Variants in PGM1 observed in about 807,000 individuals in gnomAD.
PGM1 encodes phosphoglucomutase 1.
In PGM1, 52 loss-of-function variants were observed where a neutral mutation model predicts 55.6. The observed-to-expected ratio is 0.94, with a 90% CI of 0.75 to 1.18. PGM1 has a LOEUF of 1.18. Ranked by LOEUF, PGM1 falls within the 50% of genes most tolerant of loss-of-function variation. PGM1 has a pLI of 0.00. For synonymous variants in PGM1, 287 were observed against 271.7 expected, an observed-to-expected ratio of 1.06 and a Z score of -0.55; for missense variants, 724 against 729.3, an observed-to-expected ratio of 0.99 and a Z score of 0.08.
intron 1 of PGM1, among the ~76,000 whole-genome samples, chr1:63,617,709 CAG>C (rs1210395271): frequency 8.9e-6 from 1 of 112,288 alleles, no homozygotes; most frequent in East Asian, 2.8e-4. Flanking sequence ...GCCTGGGAGA[CAG>C]AGTGACTCTG....
chr1:63,633,926 A>C (rs1570498494), intron 4 of PGM1, among the ~76,000 whole-genome samples: 1 of 64,804 alleles, frequency 1.5e-5, no homozygotes, highest in Admixed American at 1.8e-4. Context: ...GTGTATATAT[A>C]TATATATTTT....
chr1:63,631,380 T>G (rs1033454678), intron 3 of PGM1, among the ~76,000 whole-genome samples: 18 of 152,214 alleles, frequency 1.2e-4, no homozygotes, highest in African/African-American at 4.3e-4. Flanking sequence ...TCATCCAAGC[T>G]GTGTGGGCAA....
chr1:63,604,917 CTGTGTGTGTGTGTGTGTG>C (rs60618789), intron 1 of PGM1, among the ~76,000 whole-genome samples: 2 of 118,786 alleles, frequency 1.7e-5, no homozygotes, highest in African/African-American at 3.4e-5. Context: ...TTACATAACT[CTGTGTGTGTGTGTGTGTG>C]TGTGTGTGTG....
At chr1:63,612,016 G>T (rs543296763) in intron 1 of PGM1, among the ~76,000 whole-genome samples, 34 of 152,182 alleles carry the variant, frequency 2.2e-4, no homozygotes, top group African/African-American at 8.2e-4. Flanking sequence ...TAGCACTTTG[G>T]GAAGCCAAGG....
intron 9 of PGM1, 142 bp from the exon 10 acceptor site, chr1:63,654,190 G>A: frequency 2.4e-6 from 2 of 821,502 alleles, no homozygotes; most frequent in Non-Finnish European, 4.2e-6. Flanking sequence ...CTCACAAGGT[G>A]CAGCTGCTGC....
chr1:63,617,730 CAAAAAAAA>C (rs34771728), intron 1 of PGM1, among the ~76,000 whole-genome samples: 17 of 43,332 alleles, frequency 3.9e-4, no homozygotes, highest in African/African-American at 1.3e-3. Flanking sequence ...TGCCTCCCCA[CAAAAAAAA>C]AAAAAAAAAA....
chr1:63,608,885 C>G (rs1299362308), intron 1 of PGM1, among the ~76,000 whole-genome samples: 1 of 152,176 alleles, frequency 6.6e-6, no homozygotes, highest in African/African-American at 2.4e-5. Flanking sequence ...TAATATCTGC[C>G]TTGAAAGATT....
intron 1 of PGM1, among the ~76,000 whole-genome samples, chr1:63,600,646 G>T (rs1428025457): frequency 1.3e-5 from 2 of 152,176 alleles, no homozygotes; most frequent in Non-Finnish European, 2.9e-5. Context: ...CAGCAATTGG[G>T]ATGTCTGATA....
chr1:63,595,723 G>A (rs1186358086), intron 1 of PGM1, among the ~76,000 whole-genome samples: 1 of 152,148 alleles, frequency 6.6e-6, no homozygotes, highest in African/African-American at 2.4e-5. Context: ...GGACTAAAAG[G>A]ATGATGCAGA....
intron 1 of PGM1, among the ~76,000 whole-genome samples, chr1:63,617,996 A>G (rs1156298807): frequency 6.6e-6 from 1 of 152,184 alleles, no homozygotes; most frequent in Admixed American, 6.5e-5. Context: ...CAAGTATTCA[A>G]GTTGTTCTCA....
At chr1:63,634,432 C>G (rs1649305911) in intron 4 of PGM1, among the ~76,000 whole-genome samples, 1 of 152,150 alleles carries the variant, frequency 6.6e-6, no homozygotes, top group Non-Finnish European at 1.5e-5. Flanking sequence ...CAATGACTGG[C>G]AGAGCTGGGA....
At chr1:63,594,234 C>G in intron 1 of PGM1, 4 of 667,294 alleles carry the variant, frequency 6.0e-6, no homozygotes, top group Non-Finnish European at 7.4e-6. Flanking sequence ...CCCGCTGGCT[C>G]GGAGCCCGAC....
chr1:63,602,711 G>A (rs1031654484), intron 1 of PGM1, among the ~76,000 whole-genome samples: 1 of 152,266 alleles, frequency 6.6e-6, no homozygotes, highest in South Asian at 2.1e-4. Flanking sequence ...GGGCTAAACC[G>A]ACAAGTGTGA....
chr1:63,638,800 G>T lies in PGM1; in HGVS notation c.1144G>T (p.Gly382Cys), dbSNP rs750763684. Residue 382 changes from glycine to cysteine, a missense_variant and splice_region_variant, in exon 7 of 11, where the codon GGT (glycine) becomes TGT (cysteine). By Grantham distance (159) the Gly-to-Cys change is radical. Around this residue, in one of 3 missense-constraint regions of PGM1, gnomAD observed 316 missense variants for 313.1 expected, o/e 1.01. Coordinates refer to ENST00000371084, the MANE Select transcript of PGM1 (RefSeq NM_002633.3). ...SLCGEESFGTGSDHIREKDGL... is the reference protein window; with the variant it reads ...SLCGEESFGTCSDHIREKDGL... ...TTGTGGGGAGGAGAGCTTCGGGACC[G>T]GTAAGTCACACTCCTGTGCTAGCAT... 2 of 1,601,544 alleles carry T rather than the reference G, an allele frequency of 1.2e-6. No homozygotes were observed. The highest frequency in any genetic ancestry group is 1.3e-5 in the African/African-American group (1 of 74,658).
chr1:63,610,738 T>C (rs965189540), intron 1 of PGM1, among the ~76,000 whole-genome samples: 6 of 152,212 alleles, frequency 3.9e-5, no homozygotes, highest in Non-Finnish European at 7.3e-5. Flanking sequence ...AACAGAAATA[T>C]CTTTCTTACA....
chr1:63,631,797 C>T lies in PGM1; in HGVS notation c.682+15C>T. On this transcript the variant is annotated intron_variant, in intron 4 of 10. Coordinates refer to ENST00000371084, the MANE Select transcript of PGM1 (RefSeq NM_002633.3). Reference sequence around the variant, plus strand: ...TATGCATGGAGGTATACAATCATTTCTTTTCAATTCCCATCTCTTGAGGAT... The same window carrying T: ...TATGCATGGAGGTATACAATCATTTTTTTTCAATTCCCATCTCTTGAGGAT... The T allele has an allele frequency of 6.2e-7, 1 of 1,613,014 alleles. No individual in the cohort carries two copies. Among genetic ancestry groups the T allele is most frequent in the Non-Finnish European group, 8.5e-7 (1 of 1,179,060 alleles).
intron 7 of PGM1, among the ~76,000 whole-genome samples, chr1:63,643,266 C>T (rs1306857832): frequency 6.6e-6 from 1 of 152,210 alleles, no homozygotes; most frequent in Admixed American, 6.5e-5. Flanking sequence ...GTCTCCCTCA[C>T]CTGTATGTCT....
At chr1:63,628,628 T>C (rs1649103709) in intron 1 of PGM1, among the ~76,000 whole-genome samples, 1 of 152,232 alleles carries the variant, frequency 6.6e-6, no homozygotes, top group South Asian at 2.1e-4. Flanking sequence ...AACCTTCTTT[T>C]CCAACTTGAG....
intron 1 of PGM1, chr1:63,623,140 C>T (rs2100976472): frequency 2.3e-5 from 23 of 991,518 alleles, no homozygotes; most frequent in Non-Finnish European, 2.9e-5. Context: ...GGAGCTATCT[C>T]TACCCTAACG....
Sources: allele counts gnomAD v4.1 joint callset (sites outside exome capture counted in the v4.1 genomes callset), GRCh38; gene constraint gnomAD v4.1.1; regional missense constraint gnomAD v4.1.1; transcripts MANE v1.5; gene names NCBI Gene and HGNC (gene_info 2026-07-23, HGNC 2026-07-21).